Variants in NLGN1 observed in about 807,000 individuals in gnomAD.
The protein encoded by NLGN1 is neuroligin 1.
In NLGN1, 12 loss-of-function variants were observed where a neutral mutation model predicts 65.5. The observed-to-expected ratio is 0.18, with a 90% CI of 0.12 to 0.30. NLGN1 has a LOEUF of 0.30. Ranked by LOEUF, NLGN1 falls within the 10% of genes least tolerant of loss-of-function variation. NLGN1 has a pLI of 1.00. For synonymous variants in NLGN1, 350 were observed against 359.5 expected (o/e 0.97, Z 0.30); for missense variants, 750 against 1,007.1 (o/e 0.74, Z 3.46).
chr3:173,449,260 A>G (rs1302137452), intron 2 of NLGN1, among the ~76,000 whole-genome samples: 10 of 151,712 alleles, frequency 6.6e-5, no homozygotes, highest in East Asian at 1.9e-4. Flanking sequence ...CTGGTATGTT[A>G]TGTCTTTGTT....
chr3:174,088,917 A>G (rs1388044923), intron 4 of NLGN1, among the ~76,000 whole-genome samples: 1 of 152,082 alleles, frequency 6.6e-6, no homozygotes, highest in Non-Finnish European at 1.5e-5. Flanking sequence ...TCTGCAGAGT[A>G]CCTATTTTAT....
intron 4 of NLGN1, among the ~76,000 whole-genome samples, chr3:174,173,996 G>C (rs1224376420): frequency 6.6e-6 from 1 of 151,794 alleles, no homozygotes; most frequent in South Asian, 2.1e-4. Context: ...TTCACCCTGG[G>C]TCCCCAAAGT....
intron 3 of NLGN1, among the ~76,000 whole-genome samples, chr3:173,695,136 T>G (rs1322251061): frequency 6.6e-6 from 1 of 152,184 alleles, no homozygotes; most frequent in Non-Finnish European, 1.5e-5. Context: ...TTTTATGGCC[T>G]AAATAAAGTT....
chr3:173,514,389 T>C (rs1733491410), intron 2 of NLGN1, among the ~76,000 whole-genome samples: 1 of 152,066 alleles, frequency 6.6e-6, no homozygotes, highest in Non-Finnish European at 1.5e-5. Context: ...CTCCCTCCCA[T>C]TTTTCCCTAC....
At chr3:174,092,844 G>A (rs1744779148) in intron 4 of NLGN1, among the ~76,000 whole-genome samples, 1 of 152,090 alleles carries the variant, frequency 6.6e-6, no homozygotes, top group East Asian at 1.9e-4. Context: ...TTCAAATGTG[G>A]ACCATGGATT....
chr3:174,224,576 G>A (rs1739256442), intron 4 of NLGN1, among the ~76,000 whole-genome samples: 1 of 152,172 alleles, frequency 6.6e-6, no homozygotes, highest in Non-Finnish European at 1.5e-5. Flanking sequence ...TCAGGCACCT[G>A]TAATCCCAGC....
At chr3:174,167,870 C>T (rs892378160) in intron 4 of NLGN1, among the ~76,000 whole-genome samples, 3 of 151,664 alleles carry the variant, frequency 2.0e-5, no homozygotes, top group African/African-American at 7.3e-5. Context: ...TTACAAAATC[C>T]CATATTTCTC....
At chr3:174,138,218 A>T (rs1721579945) in intron 4 of NLGN1, among the ~76,000 whole-genome samples, 1 of 152,134 alleles carries the variant, frequency 6.6e-6, no homozygotes, top group Non-Finnish European at 1.5e-5. Flanking sequence ...GTTATTTGAA[A>T]TTTGGCATAG....
At chr3:173,450,182 T>C (rs13060597) in intron 2 of NLGN1, among the ~76,000 whole-genome samples, 73,217 of 152,040 alleles carry the variant, frequency 0.48, 20,032 homozygotes, top group East Asian at 0.84. Flanking sequence ...ATTTGGCATG[T>C]TTTTGCAGTG....
At chr3:173,747,575 C>T (rs1018745084) in intron 3 of NLGN1, among the ~76,000 whole-genome samples, 2 of 150,014 alleles carry the variant, frequency 1.3e-5, no homozygotes, top group African/African-American at 2.4e-5. Flanking sequence ...TTTTTCTTCG[C>T]AATCTTTTCC....
intron 1 of NLGN1, among the ~76,000 whole-genome samples, chr3:173,434,807 G>C (rs764308123): frequency 2.0e-5 from 3 of 152,210 alleles, no homozygotes; most frequent in Non-Finnish European, 4.4e-5. Flanking sequence ...AGAATTATCT[G>C]TGAATAGCTG....
chr3:174,100,326 G>GT (rs1390153821), intron 4 of NLGN1, among the ~76,000 whole-genome samples: 3 of 150,980 alleles, frequency 2.0e-5, no homozygotes, highest in Admixed American at 6.6e-5. Context: ...AATGTTCACC[G>GT]TAAAGTATAA....
intron 3 of NLGN1, among the ~76,000 whole-genome samples, chr3:173,621,614 G>A (rs16828652): frequency 0.14 from 20,640 of 151,886 alleles, 1,502 homozygotes; most frequent in Middle Eastern, 0.22. Context: ...CTAGATATGG[G>A]GTAATAGCAC....
intron 4 of NLGN1, among the ~76,000 whole-genome samples, chr3:174,241,651 T>C (rs1399934211): frequency 8.8e-6 from 1 of 113,584 alleles, no homozygotes; most frequent in Non-Finnish European, 1.7e-5. Flanking sequence ...CCAACATATC[T>C]TTTTTTTTTT....
At chr3:173,753,298 T>G (rs1346348476) in intron 3 of NLGN1, among the ~76,000 whole-genome samples, 2 of 152,148 alleles carry the variant, frequency 1.3e-5, no homozygotes, top group African/African-American at 4.8e-5. Flanking sequence ...TACTTGGATA[T>G]CCAATAGTCA....
intron 4 of NLGN1, among the ~76,000 whole-genome samples, chr3:173,824,903 A>G (rs1721029143): frequency 6.6e-6 from 1 of 152,094 alleles, no homozygotes; most frequent in African/African-American, 2.4e-5. Flanking sequence ...GTAACTAGAA[A>G]TATCTTTCAT....
intron 2 of NLGN1, among the ~76,000 whole-genome samples, chr3:173,492,609 G>T (rs945036585): frequency 1.3e-5 from 2 of 151,742 alleles, no homozygotes; most frequent in Non-Finnish European, 2.9e-5. Flanking sequence ...ATTATTACAA[G>T]ATTAGAATAC....
chr3:174,167,541 T>C, intron 4 of NLGN1, among the ~76,000 whole-genome samples: 1 of 151,932 alleles, frequency 6.6e-6, no homozygotes, highest in East Asian at 1.9e-4. Context: ...AGGTTTCTGC[T>C]CAGAAGTCTG....
chr3:173,830,489 A>G (rs1169875846), intron 4 of NLGN1, among the ~76,000 whole-genome samples: 1 of 152,210 alleles, frequency 6.6e-6, no homozygotes, highest in East Asian at 1.9e-4. Context: ...TCTCATTTCT[A>G]TGTCCTTTCC....
Sources: gnomAD v4.1 joint callset for allele counts (sites outside exome capture counted in the v4.1 genomes callset) on GRCh38, gnomAD v4.1.1 for gene constraint, MANE v1.5 for transcripts, NCBI Gene and HGNC (gene_info 2026-07-23, HGNC 2026-07-21) for gene names.